The following SPHKAP variants were observed in gnomAD, a reference collection of about 807,000 sequenced individuals.
The protein encoded by SPHKAP is A-kinase anchor protein SPHKAP.
A neutral mutation model predicts 137.5 loss-of-function variants in SPHKAP; 67 were observed. The observed-to-expected ratio is 0.49, with a 90% confidence interval of 0.40 to 0.60. SPHKAP has a LOEUF of 0.60. Among genes scored for constraint, SPHKAP ranks in the 20% least tolerant of loss-of-function variants. The pLI is 0.00. For synonymous variants in SPHKAP, 813 were observed against 785.3 expected, an observed-to-expected ratio of 1.04 and a Z score of -0.59; for missense variants, 2,097 against 2,069.3, an observed-to-expected ratio of 1.01 and a Z score of -0.26.
chr2:228,121,501 G>A (rs796734130), intron 2 of SPHKAP, among the ~76,000 whole-genome samples: 19 of 152,228 alleles, frequency 1.2e-4, no homozygotes, highest in African/African-American at 4.6e-4. Context: ...GGGTGACAGA[G>A]CAAGACAAAA....
intron 3 of SPHKAP, among the ~76,000 whole-genome samples, chr2:228,077,946 G>C (rs1697236836): frequency 6.6e-6 from 1 of 152,174 alleles, no homozygotes; most frequent in Non-Finnish European, 1.5e-5. Flanking sequence ...TTCCTGCACT[G>C]TTCTCATGTC....
At chr2:228,131,896 C>T in intron 2 of SPHKAP, 84 bp downstream of exon 2, 14 of 1,521,968 alleles carry the variant, frequency 9.2e-6, no homozygotes, top group Middle Eastern at 3.7e-4. Flanking sequence ...GTTGTTTCTA[C>T]TTTAGGAAGA....
intron 3 of SPHKAP, among the ~76,000 whole-genome samples, chr2:228,046,444 C>T (rs1363655130): frequency 1.3e-5 from 2 of 151,856 alleles, no homozygotes; most frequent in East Asian, 1.9e-4. Flanking sequence ...GTAGCTTAAG[C>T]GAGCTCAGGG....
intron 5 of SPHKAP, 197 bp from the exon 6 acceptor site, chr2:228,022,163 A>G (rs1301483976): frequency 1.0e-6 from 1 of 985,320 alleles, no homozygotes; most frequent in African/African-American, 1.7e-5. Context: ...GGTACCTAGG[A>G]GAAAGCCTGA....
rs573996539 is a variant in SPHKAP at position 228,030,136 on chromosome 2, C to T, written c.247-2593G>A. On this transcript the variant is annotated intron_variant, in intron 3 of 11. Coordinates refer to ENST00000392056, the MANE Select transcript of SPHKAP (RefSeq NM_001142644.2). Reference sequence around the variant, plus strand: ...CAACTTCTTGCTTATACTTCTCATGCACATCTTGCAATATCTTCATAGTAG... The same window carrying T: ...CAACTTCTTGCTTATACTTCTCATGTACATCTTGCAATATCTTCATAGTAG... 6.6e-5 allele frequency among the ~76,000 whole-genome samples: 10 copies of T among 152,314 alleles called. No individual in the cohort carries two copies. In the South Asian group the frequency reaches 2.1e-3, roughly 32 times the overall value.
chr2:228,066,474 T>C (rs557414805), intron 3 of SPHKAP, among the ~76,000 whole-genome samples: 85 of 152,316 alleles, frequency 5.6e-4, no homozygotes, highest in Middle Eastern at 3.4e-3. Flanking sequence ...TTGTGCCTAT[T>C]TGAAGTTTAT....
At chr2:228,089,854 G>A (rs1461550761) in intron 3 of SPHKAP, among the ~76,000 whole-genome samples, 2 of 152,188 alleles carry the variant, frequency 1.3e-5, no homozygotes, top group Non-Finnish European at 2.9e-5. Context: ...CAACAGTGAA[G>A]GAGGGTTGCC....
intron 3 of SPHKAP, among the ~76,000 whole-genome samples, chr2:228,065,647 C>A (rs528698321): frequency 6.6e-6 from 1 of 152,192 alleles, no homozygotes; most frequent in East Asian, 1.9e-4. Flanking sequence ...TTTGTGATTC[C>A]TGATTTAAGG....
chr2:228,016,810 T>A lies in SPHKAP; in HGVS notation c.4044A>T (p.Ala1348=). ...GGSPSQAEKC[A]NRLAASRMCS... ...ACATCCTGCTCGCAGCTAATCTATTTGCACACTTCTCTGCTTGCGAGGGAG... is the reference window on the plus strand; with the variant it reads ...ACATCCTGCTCGCAGCTAATCTATTAGCACACTTCTCTGCTTGCGAGGGAG... The change falls in exon 7 of 12, where the codon GCA becomes GCT. Residue 1348 remains alanine (A), a synonymous_variant. Transcript: ENST00000392056. 1.2e-6 allele frequency: 2 copies of A among 1,614,106 alleles called. No homozygotes were observed. Among genetic ancestry groups the A allele is most frequent in the Non-Finnish European group, 1.7e-6 (2 of 1,180,008 alleles).
chr2:228,139,611 G>A (rs1699531946), intron 1 of SPHKAP, among the ~76,000 whole-genome samples: 1 of 152,046 alleles, frequency 6.6e-6, no homozygotes, highest in African/African-American at 2.4e-5. Flanking sequence ...ACAATCTCAG[G>A]CTTTCCCAAG....
At chr2:228,070,317 G>T (rs1291257499) in intron 3 of SPHKAP, among the ~76,000 whole-genome samples, 1 of 152,160 alleles carries the variant, frequency 6.6e-6, no homozygotes, top group Non-Finnish European at 1.5e-5. Flanking sequence ...GGAAGTGTTG[G>T]TCCTACTGTC....
At chr2:228,149,481 G>T (rs13408691) in intron 1 of SPHKAP, among the ~76,000 whole-genome samples, 10,716 of 152,198 alleles carry the variant, frequency 0.07, 1,172 homozygotes, top group African/African-American at 0.23. Context: ...GAATGAGAAT[G>T]CTGGAGAAGA....
At chr2:228,028,030 C>G in intron 3 of SPHKAP, 5 of 984,996 alleles carry the variant, frequency 5.1e-6, no homozygotes, top group Non-Finnish European at 6.0e-6. Flanking sequence ...AAATAGCTCT[C>G]CAACACCCTG....
chr2:227,995,869 A>T, intron 7 of SPHKAP, 175 bp from the exon 8 acceptor site: 1 of 925,780 alleles, frequency 1.1e-6, no homozygotes, highest in Non-Finnish European at 1.3e-6. Context: ...TTTCAGGATT[A>T]CTCCCCATCA....
In SPHKAP at chr2:227,981,702, C is replaced by G. The variant is rs201172454; in HGVS notation, c.*15G>C. Reference sequence around the variant, plus strand: ...GAATAAAGGGAAGGAATGATCTATACGGCAGACTGCCTTATTATCCCAGTT... The same window carrying G: ...GAATAAAGGGAAGGAATGATCTATAGGGCAGACTGCCTTATTATCCCAGTT... On this transcript the variant is annotated 3_prime_UTR_variant, in exon 12 of 12. Coordinates refer to ENST00000392056, the MANE Select transcript of SPHKAP (RefSeq NM_001142644.2). 6.2e-7 allele frequency: 1 copy of G among 1,609,946 alleles called. No homozygotes were observed.
intron 7 of SPHKAP, among the ~76,000 whole-genome samples, chr2:227,997,709 G>C (rs1019555732): frequency 6.6e-6 from 1 of 152,102 alleles, no homozygotes. Context: ...TCCCTTGAAT[G>C]GTTGAAGCAA....
intron 3 of SPHKAP, among the ~76,000 whole-genome samples, chr2:228,065,034 T>C (rs1696782020): frequency 6.6e-6 from 1 of 152,222 alleles, no homozygotes; most frequent in African/African-American, 2.4e-5. Context: ...CAGTGATTTC[T>C]CCAAGCTCAG....
Position 228,021,738 on chromosome 2 carries a change from C to T in SPHKAP, c.670G>A (p.Glu224Lys). The T allele has an allele frequency of 1.9e-6, 3 of 1,613,626 alleles. No homozygotes were observed. The highest frequency in any genetic ancestry group is 2.5e-6 in the Non-Finnish European group (3 of 1,179,802). ...TTCCTAGATTCATCCACCTCGCTTT[C>T]CTCCTCCAAGTGCTCAGAAGCGGTG... is the stretch of plus-strand genomic sequence containing the variant. ...FLTASEHLEEESEVDESRNDY... is the reference protein window; with the variant it reads ...FLTASEHLEEKSEVDESRNDY... The change falls in exon 6 of 12, where the codon GAA becomes AAA. Residue 224 changes from glutamate to lysine, a missense_variant. Physicochemically the swap from Glu to Lys is moderately conservative, Grantham distance 56. Transcript: ENST00000392056.
chr2:228,090,629 A>G (rs1032457141), intron 3 of SPHKAP, among the ~76,000 whole-genome samples: 3 of 152,186 alleles, frequency 2.0e-5, no homozygotes, highest in Non-Finnish European at 4.4e-5. Context: ...TGTTGGAGGT[A>G]GAGTGTTGTG....
Sources: allele counts gnomAD v4.1 joint callset (sites outside exome capture counted in the v4.1 genomes callset), GRCh38; gene constraint gnomAD v4.1.1; transcripts MANE v1.5; gene names NCBI Gene and HGNC (gene_info 2026-07-23, HGNC 2026-07-21).